Variants in FMN2 observed in about 807,000 individuals in gnomAD.
The protein encoded by FMN2 is formin 2.
A neutral mutation model predicts 142.3 loss-of-function variants in FMN2; 51 were observed. The ratio of observed to expected loss-of-function variants is 0.36; its 90% CI spans 0.29 to 0.45. The LOEUF (loss-of-function observed/expected upper bound fraction) is 0.45, where lower values mean the gene tolerates loss of function less well. FMN2 is among the 20% of genes least tolerant of loss of function. The pLI, the probability that FMN2 is intolerant of heterozygous loss-of-function variation, is 1.00. For synonymous variants in FMN2, 882 were observed against 869.8 expected, an observed-to-expected ratio of 1.01 and a Z score of -0.25; for missense variants, 1,936 against 2,122.8, an observed-to-expected ratio of 0.91 and a Z score of 1.73.
intron 3 of FMN2, among the ~76,000 whole-genome samples, chr1:240,184,806 G>C (rs759805329): frequency 6.6e-6 from 1 of 151,850 alleles, no homozygotes; most frequent in Non-Finnish European, 1.5e-5. Flanking sequence ...CTCTATGAAA[G>C]TTGGAACTAG....
At chr1:240,275,940 G>T (rs1478640965) in intron 7 of FMN2, among the ~76,000 whole-genome samples, 1 of 152,028 alleles carries the variant, frequency 6.6e-6, no homozygotes, top group Non-Finnish European at 1.5e-5. Context: ...ATGGGAAAGG[G>T]TATTCTTAAG....
chr1:240,330,464 A>T, intron 10 of FMN2, 139 bp from the exon 11 acceptor site: 1 of 806,886 alleles, frequency 1.2e-6, no homozygotes, highest in Non-Finnish European at 1.9e-6. Flanking sequence ...CTTAAAATAT[A>T]CCTAATAATT....
rs1661080828 is a variant in FMN2, at chr1:240,093,434, G to C, written c.1325G>C (p.Arg442Thr). 1 of 1,613,722 alleles carries C rather than the reference G, an allele frequency of 6.2e-7. No individual in the cohort carries two copies. ...SPSQSPNQSP[R>T]IKRRPEPSLS... ...TCTCAGTCCCCTAATCAGAGCCCCA[G>C]GATCAAGAGGCGGCCGGAACCCTCC... Residue 442 changes from arginine (R) to threonine (T), a missense_variant, in exon 1 of 18, where the codon AGG (arginine) becomes ACG (threonine). By Grantham distance (71) the Arg-to-Thr change is moderately conservative. Transcript: ENST00000319653.
intron 2 of FMN2, chr1:240,145,354 G>A (rs1235287252): frequency 9.4e-6 from 7 of 745,074 alleles, no homozygotes; most frequent in Non-Finnish European, 1.5e-5. Context: ...CCAGCGTCTT[G>A]TCCCATCCTC....
intron 8 of FMN2, among the ~76,000 whole-genome samples, chr1:240,328,516 A>G (rs1389350825): frequency 6.6e-6 from 1 of 151,862 alleles, no homozygotes; most frequent in African/African-American, 2.4e-5. Context: ...TATTTGGAAG[A>G]TTTGGGGATA....
intron 15 of FMN2, among the ~76,000 whole-genome samples, chr1:240,408,869 T>A (rs189425334): frequency 1.3e-5 from 2 of 152,112 alleles, no homozygotes; most frequent in Admixed American, 1.3e-4. Flanking sequence ...AAAACACCAG[T>A]GCCTTATAGG....
At chr1:240,373,271 A>G (rs1591530) in intron 14 of FMN2, among the ~76,000 whole-genome samples, 80,907 of 152,038 alleles carry the variant, frequency 0.53, 22,702 homozygotes, top group African/African-American at 0.71. Flanking sequence ...CCATGTTGAC[A>G]GCTGCTCGCT....
At chr1:240,228,167 G>T (rs1667384126) in intron 6 of FMN2, among the ~76,000 whole-genome samples, 1 of 151,514 alleles carries the variant, frequency 6.6e-6, no homozygotes, top group African/African-American at 2.4e-5. Context: ...GCTAGGTGTG[G>T]TGGCACATGC....
chr1:240,232,865 A>C (rs1462779083), intron 6 of FMN2, among the ~76,000 whole-genome samples: 2 of 152,136 alleles, frequency 1.3e-5, no homozygotes, highest in Non-Finnish European at 2.9e-5. Context: ...GACTTTGTTG[A>C]ATCTGTCACA....
At chr1:240,355,766 A>G (rs774167881) in intron 13 of FMN2, 50 bp from the exon 14 acceptor site, 10 of 1,356,110 alleles carry the variant, frequency 7.4e-6, no homozygotes, top group Non-Finnish European at 8.3e-6. Flanking sequence ...AATTGCCTTA[A>G]TGCTCCACTA....
At position 240,351,557 on chromosome 1, in the gene FMN2, A is replaced by G. The variant is rs921760508; in HGVS notation, c.4766-4259A>G. ...TTTTGCATGCATTGATGTTACAAAT[A>G]CAGTTCATATGAATGGCCCAAGGAC... On this transcript the variant is annotated intron_variant, in intron 13 of 17. Transcript: ENST00000319653. Among the ~76,000 whole-genome samples the G allele has an allele frequency of 3.3e-5, 5 of 152,246 alleles. 1 individual carries two copies. In the East Asian group the frequency reaches 9.6e-4, roughly 29 times the overall value.
intron 8 of FMN2, among the ~76,000 whole-genome samples, chr1:240,306,831 G>T (rs113535404): frequency 0.14 from 21,246 of 152,148 alleles, 1,888 homozygotes; most frequent in African/African-American, 0.25. Context: ...CCAAACTGCT[G>T]TCCACAGTGG....
intron 2 of FMN2, chr1:240,170,201 CA>C: frequency 8.1e-7 from 1 of 1,236,256 alleles, no homozygotes; most frequent in South Asian, 1.3e-5. Context: ...TGCAAGGCTG[CA>C]GTTGCCTGGG....
intron 14 of FMN2, among the ~76,000 whole-genome samples, chr1:240,368,813 G>T (rs2103066345): frequency 6.6e-6 from 1 of 152,138 alleles, no homozygotes; most frequent in East Asian, 1.9e-4. Context: ...AACACAAATT[G>T]ATTGGAGGTT....
chr1:240,183,925 A>G (rs1374584594), intron 3 of FMN2, among the ~76,000 whole-genome samples: 1 of 152,200 alleles, frequency 6.6e-6, no homozygotes, highest in South Asian at 2.1e-4. Flanking sequence ...ATAATTTTAT[A>G]TAGCTGCATT....
chr1:240,197,113 C>A (rs963717979), intron 4 of FMN2, among the ~76,000 whole-genome samples: 1 of 152,122 alleles, frequency 6.6e-6, no homozygotes, highest in Non-Finnish European at 1.5e-5. Flanking sequence ...CTGCCCCACC[C>A]CCCAGCCTCG....
At chr1:240,350,577 C>T (rs1186943650) in intron 13 of FMN2, among the ~76,000 whole-genome samples, 1 of 152,142 alleles carries the variant, frequency 6.6e-6, no homozygotes, top group Admixed American at 6.5e-5. Context: ...TTTCTAACAG[C>T]CAGCTTAGCA....
Position 240,093,379 on chromosome 1 carries a change from C to G in FMN2, c.1270C>G (p.Arg424Gly), listed in dbSNP as rs1334137391. The change falls in exon 1 of 18, where the codon CGG becomes GGG. Residue 424 changes from arginine to glycine, a missense_variant. Arg to Gly is a moderately radical substitution (Grantham distance 125). Transcript: ENST00000319653. ...ITPCYIKTTT[R>G]QLSSPNHSPS... ...CCCCTGCTACATCAAGACCACCACC[C>G]GGCAGCTCAGCTCGCCCAATCACTC... is the stretch of plus-strand genomic sequence containing the variant. 2 of 1,613,348 alleles carry G rather than the reference C, an allele frequency of 1.2e-6. No individual in the cohort carries two copies. Among genetic ancestry groups the G allele is most frequent in the African/African-American group, 2.7e-5 (2 of 74,844 alleles).
chr1:240,471,001 A>C (rs1275804676), intron 16 of FMN2, among the ~76,000 whole-genome samples: 3 of 152,192 alleles, frequency 2.0e-5, no homozygotes, highest in Non-Finnish European at 4.4e-5. Context: ...TATATAATGG[A>C]AACTTTTCAC....
Sources: allele counts gnomAD v4.1 joint callset (sites outside exome capture counted in the v4.1 genomes callset), GRCh38; gene constraint gnomAD v4.1.1; transcripts MANE v1.5; gene names NCBI Gene and HGNC (gene_info 2026-07-23, HGNC 2026-07-21).